PCDH19: variants seen among roughly 807,000 people sequenced by gnomAD.
PCDH19 encodes the protein protocadherin 19.
PCDH19 carries 6 observed loss-of-function variants against 46.2 expected under a neutral mutation model. The ratio of observed to expected loss-of-function variants is 0.13; its 90% CI spans 0.07 to 0.26. The LOEUF is 0.26. Ranked by LOEUF, PCDH19 falls within the 10% of genes least tolerant of loss-of-function variation. The probability of loss-of-function intolerance (pLI) is 1.00; values close to 1 mark genes in which losing one functional copy is unlikely to be tolerated. For synonymous variants in PCDH19, 481 were observed against 415.7 expected (o/e 1.16, Z -1.91); for missense variants, 740 against 972.3 (o/e 0.76, Z 3.18).
Position 100,408,147 on chromosome X carries a change from C to G in PCDH19, c.451G>C (p.Asp151His). The stretch of plus-strand genomic sequence containing the variant: ...CCTGAGTCTGGATCGTAAGCGCTGT[C>G]CAGCGGGATGCGCGTGCCAGGGCTG... ...AASPGTRIPL[D>H]SAYDPDSGSF... The change falls in exon 1 of 6, where the codon GAC becomes CAC. Residue 151 changes from aspartate (D) to histidine (H), a missense_variant. Coordinates refer to ENST00000373034, the MANE Select transcript of PCDH19 (RefSeq NM_001184880.2). 1 of 1,211,950 alleles carries G rather than the reference C, an allele frequency of 8.3e-7. No homozygotes were observed. Among genetic ancestry groups the G allele is most frequent in the Non-Finnish European group, 1.1e-6 (1 of 895,674 alleles).
chrX:100,357,957 G>T lies in PCDH19; in HGVS notation c.2617-7253C>A, dbSNP rs61592553. The stretch of plus-strand genomic sequence containing the variant: ...ACTTATCACAATTAAGGCAGGTGAC[G>T]AAGTTTATTAGGCCAAGGTGGTTCT... On this transcript the variant is annotated intron_variant, in intron 3 of 5. Transcript: ENST00000373034. Among the ~76,000 whole-genome samples, 395 of 112,215 alleles carry T rather than the reference G, an allele frequency of 3.5e-3. 5 individuals carry two copies. The highest frequency in any genetic ancestry group is 0.012 in the African/African-American group (386 of 30,900).
At chrX:100,377,259 T>TC (rs1927414692) in intron 3 of PCDH19, among the ~76,000 whole-genome samples, 1 of 111,975 alleles carries the variant, frequency 8.9e-6, no homozygotes, top group South Asian at 3.7e-4. Context: ...GGGTTTTTTT[T>TC]CACACAATTG....
chrX:100,309,154 G>GCACACACACACACATA (rs1555973959), intron 5 of PCDH19, among the ~76,000 whole-genome samples: 2 of 81,769 alleles, frequency 2.4e-5, no homozygotes, highest in Non-Finnish European at 4.9e-5. Flanking sequence ...TGTGATGCAT[G>GCACACACACACACATA]CACACACACA....
chrX:100,403,117 G>A (rs185647180), intron 2 of PCDH19, among the ~76,000 whole-genome samples: 3 of 111,493 alleles, frequency 2.7e-5, no homozygotes, highest in Middle Eastern at 4.6e-3. Flanking sequence ...TTCATTGTGA[G>A]TGGCCTGTGA....
chrX:100,363,011 T>C (rs991957042), intron 3 of PCDH19, among the ~76,000 whole-genome samples: 1 of 109,977 alleles, frequency 9.1e-6, no homozygotes, highest in African/African-American at 3.3e-5. Context: ...ATCTATAAAA[T>C]GGAAATAATA....
chrX:100,350,678 G>C lies in PCDH19; in HGVS notation c.2643C>G (p.Asn881Lys), dbSNP rs1285138683. 5 of 1,188,943 alleles carry C rather than the reference G, an allele frequency of 4.2e-6. No individual in the cohort carries two copies. The highest frequency in any genetic ancestry group is 5.7e-6 in the Non-Finnish European group (5 of 874,639). ...PETENYSFDS[N>K]YVNSRAHLIK... ...TTAAATGGGCTCGGCTATTCACGTA[G>C]TTGGAGTCAAAAGAATAGTTTTCAG... Residue 881 changes from asparagine (N) to lysine (K), a missense_variant, in exon 4 of 6, where the codon AAC (asparagine) becomes AAG (lysine). Coordinates refer to ENST00000373034, the MANE Select transcript of PCDH19 (RefSeq NM_001184880.2).
At chrX:100,321,248 T>G (rs777906337) in intron 5 of PCDH19, among the ~76,000 whole-genome samples, 3 of 111,954 alleles carry the variant, frequency 2.7e-5, no homozygotes, top group Non-Finnish European at 5.6e-5. Flanking sequence ...AAGTATCTTT[T>G]TCGTATGACG....
At chrX:100,309,154 G>GCACACACACACACATACACA (rs1555973959) in intron 5 of PCDH19, among the ~76,000 whole-genome samples, 1 of 81,769 alleles carries the variant, frequency 1.2e-5, no homozygotes, top group Non-Finnish European at 2.5e-5. Flanking sequence ...TGTGATGCAT[G>GCACACACACACACATACACA]CACACACACA....
At chrX:100,329,255 A>G (rs768952295) in intron 5 of PCDH19, among the ~76,000 whole-genome samples, 26 of 112,691 alleles carry the variant, frequency 2.3e-4, no homozygotes, top group African/African-American at 8.1e-4. Context: ...AAACCTTCCA[A>G]ATTGACAGTT....
chrX:100,363,886 T>TGTGTGTGTGTGTGAGAGA (rs1207488480), intron 3 of PCDH19, among the ~76,000 whole-genome samples: 7 of 98,044 alleles, frequency 7.1e-5, no homozygotes, highest in African/African-American at 2.3e-4. Flanking sequence ...TGTGTGTGTG[T>TGTGTGTGTGTGTGAGAGA]GAGAGAGAGG....
intron 5 of PCDH19, among the ~76,000 whole-genome samples, chrX:100,338,061 C>A (rs1926139437): frequency 1.8e-5 from 2 of 111,703 alleles, no homozygotes; most frequent in Non-Finnish European, 3.8e-5. Context: ...GTCTTCTAGG[C>A]CAGGCGCGGT....
intron 5 of PCDH19, among the ~76,000 whole-genome samples, chrX:100,322,865 A>ATATATATATATATATATATTTTTT: frequency 2.6e-4 from 14 of 54,400 alleles, no homozygotes; most frequent in African/African-American, 9.2e-4. Flanking sequence ...ATATATATAT[A>ATATATATATATATATATATTTTTT]TTTTTGCAGC....
At chrX:100,396,552 C>T (rs1928031137) in intron 3 of PCDH19, among the ~76,000 whole-genome samples, 1 of 112,032 alleles carries the variant, frequency 8.9e-6, no homozygotes, top group Non-Finnish European at 1.9e-5. Flanking sequence ...TCTGGCTGAG[C>T]TCAACTTCAG....
intron 5 of PCDH19, among the ~76,000 whole-genome samples, chrX:100,338,341 CAAAAAAAAAA>C (rs1192568481): frequency 2.8e-5 from 1 of 36,029 alleles, no homozygotes; most frequent in Admixed American, 3.8e-4. Flanking sequence ...GACTCCGTCT[CAAAAAAAAAA>C]AAAAAAAAAA....
At chrX:100,346,784 C>T (rs1286721090) in intron 4 of PCDH19, among the ~76,000 whole-genome samples, 1 of 112,098 alleles carries the variant, frequency 8.9e-6, no homozygotes, top group African/African-American at 3.2e-5. Flanking sequence ...TGTTCATTTC[C>T]TATTTCATTT....
rs1386412194 is a variant in PCDH19 at position 100,408,641 on chromosome X, C to T, written c.-44G>A. ...CTGGCCTCGCCTCTCCACACCCCTC[C>T]GAGACCGACGCCGTCGGCGCTCCAG... On this transcript the variant is annotated 5_prime_UTR_variant, in exon 1 of 6. Transcript: ENST00000373034. 2 of 1,042,043 alleles carry T rather than the reference C, an allele frequency of 1.9e-6. No homozygotes were observed. Among genetic ancestry groups the T allele is most frequent in the Non-Finnish European group, 2.6e-6 (2 of 770,777 alleles). 85.9% of individuals were successfully genotyped at this position (1,042,043 alleles called of 1,213,427 possible). A position where few individuals can be genotyped will look rare whatever the true frequency, so the allele number is the denominator to read the frequency against.
At chrX:100,301,882 G>A (rs1458248681) in intron 5 of PCDH19, among the ~76,000 whole-genome samples, 1 of 112,212 alleles carries the variant, frequency 8.9e-6, no homozygotes, top group African/African-American at 3.2e-5. Flanking sequence ...ATTTCTGTTA[G>A]GAATGGCAGT....
intron 3 of PCDH19, among the ~76,000 whole-genome samples, chrX:100,379,492 G>A (rs1465754993): frequency 8.9e-6 from 1 of 112,288 alleles, no homozygotes; most frequent in African/African-American, 3.2e-5. Flanking sequence ...CCCTGCCTTT[G>A]AGGAATGTAA....
chrX:100,410,241 C>T lies in PCDH19; in HGVS notation c.-1644G>A, dbSNP rs1187538337. ...GCTGCGCCAGCCGCCGCCGCTACTGCTGCTGCTGCTCCTCCGGATGCCGCA... is the reference window on the plus strand; with the variant it reads ...GCTGCGCCAGCCGCCGCCGCTACTGTTGCTGCTGCTCCTCCGGATGCCGCA... On this transcript the variant is annotated 5_prime_UTR_variant, in exon 1 of 6. Transcript: ENST00000373034. The T allele has an allele frequency of 1.0e-5, 3 of 297,458 alleles. No individual in the cohort carries two copies. The highest frequency in any genetic ancestry group is 1.8e-5 in the Non-Finnish European group (3 of 171,087). The allele number at this position is 297,458 out of a possible 1,213,427, so 24.5% of individuals were successfully genotyped here. A position where few individuals can be genotyped will look rare whatever the true frequency, so the allele number is the denominator to read the frequency against.
Sources: gnomAD v4.1 joint callset for allele counts (sites outside exome capture counted in the v4.1 genomes callset) on GRCh38, gnomAD v4.1.1 for gene constraint, MANE v1.5 for transcripts, NCBI Gene and HGNC (gene_info 2026-07-23, HGNC 2026-07-21) for gene names.